The following PDE4D variants were observed in gnomAD, a reference collection of about 807,000 sequenced individuals.
PDE4D encodes 3',5'-cyclic-AMP phosphodiesterase 4D.
Under a neutral mutation model 87.4 loss-of-function variants are expected in PDE4D, and 24 were observed. The ratio of observed to expected loss-of-function variants is 0.27; its 90% confidence interval spans 0.20 to 0.39. The LOEUF (loss-of-function observed/expected upper bound fraction) is 0.39. PDE4D is among the 10% of genes least tolerant of loss of function. PDE4D has a pLI of 1.00. For missense variants in PDE4D, 714 were observed against 1,041.0 expected (o/e 0.69, Z 4.32); for synonymous variants, 384 against 383.2 (o/e 1.00, Z -0.02).
chr5:59,847,165 G>A (rs1743984894), intron 1 of PDE4D, among the ~76,000 whole-genome samples: 1 of 151,928 alleles, frequency 6.6e-6, no homozygotes, highest in Non-Finnish European at 1.5e-5. Context: ...GGCGCTGTGA[G>A]GAGGAAGTGT....
chr5:60,329,816 G>T (rs1161774136), intron 1 of PDE4D, among the ~76,000 whole-genome samples: 5 of 152,142 alleles, frequency 3.3e-5, no homozygotes, highest in African/African-American at 1.2e-4. Context: ...TAATGTCAAT[G>T]CAATCTAAAC....
chr5:59,719,542 C>T (rs921556813), intron 1 of PDE4D, among the ~76,000 whole-genome samples: 13 of 152,094 alleles, frequency 8.5e-5, no homozygotes, highest in Admixed American at 2.6e-4. Context: ...TCATTGAATA[C>T]GTAACAGTTA....
intron 1 of PDE4D, among the ~76,000 whole-genome samples, chr5:59,545,053 A>G (rs1817027825): frequency 1.3e-5 from 2 of 152,336 alleles, no homozygotes; most frequent in South Asian, 4.1e-4. Flanking sequence ...AATTACATAA[A>G]AAGCAAAAGA....
At chr5:59,712,301 C>T (rs1754307550) in intron 1 of PDE4D, among the ~76,000 whole-genome samples, 1 of 150,432 alleles carries the variant, frequency 6.6e-6, no homozygotes, top group African/African-American at 2.4e-5. Flanking sequence ...TGATCTCGTT[C>T]TGTCTGTCTA....
intron 1 of PDE4D, among the ~76,000 whole-genome samples, chr5:59,539,515 G>A (rs1296731009): frequency 6.6e-6 from 1 of 152,120 alleles, no homozygotes; most frequent in East Asian, 1.9e-4. Context: ...CCATTTCTCT[G>A]AGAAAATGAA....
chr5:58,976,304 T>G (rs780688848), intron 13 of PDE4D, 46 bp downstream of exon 13: 1 of 1,600,164 alleles, frequency 6.2e-7, no homozygotes, highest in Admixed American at 1.7e-5. Flanking sequence ...CATGTGCACA[T>G]GTGCACAGAC....
intron 1 of PDE4D, among the ~76,000 whole-genome samples, chr5:60,354,357 C>T (rs1013928194): frequency 6.6e-6 from 1 of 152,172 alleles, no homozygotes; most frequent in African/African-American, 2.4e-5. Context: ...ATACTGTGAA[C>T]TGATTTTCAG....
chr5:59,455,312 T>C (rs1339490645), intron 1 of PDE4D, among the ~76,000 whole-genome samples: 1 of 152,218 alleles, frequency 6.6e-6, no homozygotes, highest in Admixed American at 6.5e-5. Context: ...TGGTGCCCTG[T>C]GTCCCAGCCA....
intron 5 of PDE4D, among the ~76,000 whole-genome samples, chr5:59,082,474 T>C (rs1766935183): frequency 6.6e-6 from 1 of 152,072 alleles, no homozygotes. Flanking sequence ...ATAAAAAAGG[T>C]AGACCATTAT....
At chr5:59,067,713 T>C (rs1764153024) in intron 5 of PDE4D, among the ~76,000 whole-genome samples, 1 of 152,218 alleles carries the variant, frequency 6.6e-6, no homozygotes, top group Non-Finnish European at 1.5e-5. Context: ...AATGCTGTTA[T>C]CCCTTTGCAT....
At chr5:60,500,318 A>G (rs1000483043) in intron 1 of PDE4D, among the ~76,000 whole-genome samples, 5 of 152,146 alleles carry the variant, frequency 3.3e-5, no homozygotes, top group Admixed American at 3.3e-4. Flanking sequence ...AAATAAAAAT[A>G]AAAAAGAAGA....
At chr5:59,263,976 T>C (rs1256637403) in intron 1 of PDE4D, among the ~76,000 whole-genome samples, 2 of 152,008 alleles carry the variant, frequency 1.3e-5, no homozygotes, top group Non-Finnish European at 2.9e-5. Flanking sequence ...GTTTTTCTGT[T>C]TACAATATTT....
At chr5:59,649,930 T>TTTTTTTTTTTTTTTTTTTTTTTTG in intron 1 of PDE4D, among the ~76,000 whole-genome samples, 1 of 140,916 alleles carries the variant, frequency 7.1e-6, no homozygotes, top group Admixed American at 7.4e-5. Context: ...TTTTTTTTTT[T>TTTTTTTTTTTTTTTTTTTTTTTTG]TTAGCAATGA....
chr5:59,620,612 C>T (rs375417008), intron 1 of PDE4D, among the ~76,000 whole-genome samples: 3 of 152,082 alleles, frequency 2.0e-5, no homozygotes, highest in Admixed American at 2.0e-4. Context: ...AAGGTTCTCA[C>T]CCTTGATTGC....
At chr5:59,607,950 T>G (rs1828443317) in intron 1 of PDE4D, among the ~76,000 whole-genome samples, 1 of 151,908 alleles carries the variant, frequency 6.6e-6, no homozygotes, top group Non-Finnish European at 1.5e-5. Flanking sequence ...TAGGGAAGAG[T>G]GCCTAGTTTC....
intron 1 of PDE4D, among the ~76,000 whole-genome samples, chr5:60,313,079 A>G (rs1423114611): frequency 6.6e-6 from 1 of 152,168 alleles, no homozygotes; most frequent in East Asian, 1.9e-4. Flanking sequence ...CAAAATCAGA[A>G]CAGAATTGAA....
intron 1 of PDE4D, among the ~76,000 whole-genome samples, chr5:60,207,730 G>C (rs952540946): frequency 6.6e-6 from 1 of 152,172 alleles, no homozygotes; most frequent in African/African-American, 2.4e-5. Context: ...GTATAAATGA[G>C]ATTCTGAGAT....
intron 5 of PDE4D, among the ~76,000 whole-genome samples, chr5:59,121,113 G>T (rs767096922): frequency 6.6e-6 from 1 of 152,094 alleles, no homozygotes; most frequent in Non-Finnish European, 1.5e-5. Flanking sequence ...AAACACAGAA[G>T]AAACACTTCA....
At chr5:59,319,137 C>A (rs1024373825) in intron 1 of PDE4D, among the ~76,000 whole-genome samples, 1 of 148,110 alleles carries the variant, frequency 6.8e-6, no homozygotes, top group African/African-American at 2.5e-5. Flanking sequence ...ATGCTAATTT[C>A]AAATATGAGA....
Sources: allele counts gnomAD v4.1 joint callset (sites outside exome capture counted in the v4.1 genomes callset), GRCh38; gene constraint gnomAD v4.1.1; transcripts MANE v1.5; gene names NCBI Gene and HGNC (gene_info 2026-07-23, HGNC 2026-07-21).